PPP1R14C: variants seen among roughly 807,000 people sequenced by gnomAD.
The protein encoded by PPP1R14C is protein phosphatase 1 regulatory subunit 14C.
In PPP1R14C, 16 loss-of-function variants were observed where a neutral mutation model predicts 20.4. That is an observed-to-expected ratio of 0.78 (90% confidence interval 0.53 to 1.19). The LOEUF is 1.19. Among genes scored for constraint, PPP1R14C ranks in the 50% most tolerant of loss-of-function variants. PPP1R14C has a pLI of 0.00. For missense variants in PPP1R14C, 211 were observed against 220.1 expected (o/e 0.96, Z 0.26); for synonymous variants, 91 against 91.0 (o/e 1.00, Z 0.00).
intron 1 of PPP1R14C, among the ~76,000 whole-genome samples, chr6:150,156,569 G>T (rs1777308491): frequency 6.6e-6 from 1 of 152,216 alleles, no homozygotes; most frequent in Admixed American, 6.5e-5. Context: ...GATTGGCAGA[G>T]ATAGCTTTTC....
intron 1 of PPP1R14C, among the ~76,000 whole-genome samples, chr6:150,166,575 CG>C (rs1218644953): frequency 6.6e-6 from 1 of 152,178 alleles, no homozygotes; most frequent in East Asian, 1.9e-4. Context: ...CAGCTCCAGG[CG>C]GTAGCTGTTG....
chr6:150,205,172 G>GC (rs965499901), intron 1 of PPP1R14C, among the ~76,000 whole-genome samples: 19 of 152,156 alleles, frequency 1.2e-4, no homozygotes. Flanking sequence ...AGAGAAACCT[G>GC]CCTGGTGGGT....
chr6:150,169,163 C>T lies in PPP1R14C; in HGVS notation c.306+25665C>T, dbSNP rs1240328805. ...AAGTGCTGGGATTACAGGCGTGAGC[C>T]ACCGTGCCCAGCCTCAATATAAAAT... On this transcript the variant is annotated intron_variant, in intron 1 of 3. Transcript: ENST00000361131. Among the ~76,000 whole-genome samples the T allele has an allele frequency of 2.6e-5, 4 of 152,328 alleles. No homozygotes were observed. In the East Asian group the frequency reaches 5.8e-4, roughly 22 times the overall value.
chr6:150,239,896 T>C (rs1562277774), intron 3 of PPP1R14C, among the ~76,000 whole-genome samples: 1 of 151,770 alleles, frequency 6.6e-6, no homozygotes, highest in Non-Finnish European at 1.5e-5. Flanking sequence ...CTACAAAAAA[T>C]ATAAAAAATT....
At chr6:150,221,143 T>C (rs1309767636) in intron 3 of PPP1R14C, among the ~76,000 whole-genome samples, 6 of 152,262 alleles carry the variant, frequency 3.9e-5, no homozygotes, top group African/African-American at 1.4e-4. Context: ...CAGATTTTAC[T>C]GGCATCTGGA....
intron 1 of PPP1R14C, among the ~76,000 whole-genome samples, chr6:150,170,523 T>C (rs531274688): frequency 2.2e-4 from 34 of 152,088 alleles, no homozygotes; most frequent in East Asian, 5.8e-4. Context: ...GGGGTTTCAA[T>C]GTGTTAGCCA....
At chr6:150,242,863 T>C (rs1240088760) in intron 3 of PPP1R14C, among the ~76,000 whole-genome samples, 1 of 152,158 alleles carries the variant, frequency 6.6e-6, no homozygotes, top group Non-Finnish European at 1.5e-5. Flanking sequence ...GGATACAAGA[T>C]AAATATATGA....
In PPP1R14C at chr6:150,159,343, G is replaced by A. The variant is rs148864407; in HGVS notation, c.306+15845G>A. Reference sequence around the variant, plus strand: ...GAGAGATTGTCTATATCCTTTGATCGCATTTTGTCAACTTCTGTGCCCCTC... The same window carrying A: ...GAGAGATTGTCTATATCCTTTGATCACATTTTGTCAACTTCTGTGCCCCTC... On this transcript the variant is annotated intron_variant, in intron 1 of 3. Transcript: ENST00000361131. Among the ~76,000 whole-genome samples the A allele has an allele frequency of 3.6e-3, 544 of 152,224 alleles. 4 individuals are homozygous for A. The highest frequency in any genetic ancestry group is 0.012 in the African/African-American group (496 of 41,530).
At chr6:150,163,669 G>A (rs1233188221) in intron 1 of PPP1R14C, among the ~76,000 whole-genome samples, 1 of 152,094 alleles carries the variant, frequency 6.6e-6, no homozygotes, top group Non-Finnish European at 1.5e-5. Flanking sequence ...CATTAGATGT[G>A]TGAGATACAC....
chr6:150,198,497 T>G (rs1777837321), intron 1 of PPP1R14C, among the ~76,000 whole-genome samples: 1 of 152,266 alleles, frequency 6.6e-6, no homozygotes, highest in Admixed American at 6.5e-5. Flanking sequence ...AATGTCCCAT[T>G]CCTTGACATT....
chr6:150,225,269 G>C (rs949369144), intron 3 of PPP1R14C, among the ~76,000 whole-genome samples: 6 of 152,208 alleles, frequency 3.9e-5, no homozygotes, highest in African/African-American at 1.4e-4. Context: ...AGTGTTCACT[G>C]TGAGGACCTG....
chr6:150,195,879 C>G, intron 1 of PPP1R14C: 1 of 985,370 alleles, frequency 1.0e-6, no homozygotes, highest in Non-Finnish European at 1.2e-6. Context: ...CAGGAAACTC[C>G]CAGTTCTAAG....
intron 1 of PPP1R14C, among the ~76,000 whole-genome samples, chr6:150,178,685 A>G (rs906674296): frequency 6.6e-6 from 1 of 152,264 alleles, no homozygotes; most frequent in Non-Finnish European, 1.5e-5. Flanking sequence ...ATGATGACAT[A>G]AAATACTGCA....
At chr6:150,242,205 G>T (rs995310592) in intron 3 of PPP1R14C, among the ~76,000 whole-genome samples, 10 of 152,108 alleles carry the variant, frequency 6.6e-5, no homozygotes, top group African/African-American at 2.4e-4. Flanking sequence ...ATTTAAGAAA[G>T]AAATTCTACC....
chr6:150,239,202 T>G (rs1272404193), intron 3 of PPP1R14C, among the ~76,000 whole-genome samples: 1 of 152,256 alleles, frequency 6.6e-6, no homozygotes, highest in East Asian at 1.9e-4. Context: ...TCTTTCAGCA[T>G]GTCCAATATA....
At position 150,159,355 on chromosome 6, in the gene PPP1R14C, C is replaced by T. The variant is rs143502861; in HGVS notation, c.306+15857C>T. On this transcript the variant is annotated intron_variant, in intron 1 of 3. Coordinates refer to ENST00000361131, the MANE Select transcript of PPP1R14C (RefSeq NM_030949.3). ...ATATCCTTTGATCGCATTTTGTCAA[C>T]TTCTGTGCCCCTCTTAGCCACTGCT... 2.4e-3 allele frequency among the ~76,000 whole-genome samples: 371 copies of T among 152,326 alleles called. 1 individual carries two copies. Among genetic ancestry groups the T allele is most frequent in the Non-Finnish European group, 4.1e-3 (278 of 68,028 alleles).
intron 1 of PPP1R14C, among the ~76,000 whole-genome samples, chr6:150,174,780 C>T (rs184097193): frequency 3.0e-4 from 45 of 151,222 alleles, no homozygotes; most frequent in Non-Finnish European, 5.7e-4. Context: ...CTGGCCAATA[C>T]GGTGAAACGC....
At chr6:150,236,031 C>G (rs1483013258) in intron 3 of PPP1R14C, among the ~76,000 whole-genome samples, 1 of 152,132 alleles carries the variant, frequency 6.6e-6, no homozygotes, top group Admixed American at 6.5e-5. Flanking sequence ...ATAATAAAGA[C>G]TTCTCACCCC....
Position 150,194,734 on chromosome 6 carries a change from G to C in PPP1R14C, c.307-20010G>C, listed in dbSNP as rs972494222. On this transcript the variant is annotated intron_variant, in intron 1 of 3. Coordinates refer to ENST00000361131, the MANE Select transcript of PPP1R14C (RefSeq NM_030949.3). ...TGTTCAGCTATAAAACGTAAAAGAG[G>C]CTCTTATAATTTGTTGCATAGTTTA... The C allele has an allele frequency of 9.1e-6, 9 of 985,150 alleles. No individual in the cohort carries two copies. In the African/African-American group the frequency reaches 1.0e-4, roughly 11 times the overall value. 61.0% of individuals were successfully genotyped at this position (985,150 alleles called of 1,614,324 possible).
Sources: allele counts gnomAD v4.1 joint callset (sites outside exome capture counted in the v4.1 genomes callset), GRCh38; gene constraint gnomAD v4.1.1; transcripts MANE v1.5; gene names NCBI Gene and HGNC (gene_info 2026-07-23, HGNC 2026-07-21).